BRCA1: variants seen among roughly 807,000 people sequenced by gnomAD.
BRCA1 encodes breast cancer type 1 susceptibility protein.
In BRCA1, 140 loss-of-function variants were observed where a neutral mutation model predicts 173.7. The observed-to-expected ratio is 0.81, with a 90% CI of 0.70 to 0.93. The LOEUF is 0.93. Among genes scored for constraint, BRCA1 ranks in the 40% least tolerant of loss-of-function variants. The pLI, the probability that BRCA1 is intolerant of heterozygous loss-of-function variation, is 0.00. For missense variants in BRCA1, 1,983 were observed against 2,172.5 expected (o/e 0.91, Z 1.73); for synonymous variants, 662 against 756.0 (o/e 0.88, Z 2.04).
rs540451983 is a variant in BRCA1 at position 43,100,097 on chromosome 17, G to C, written c.442-217C>G. ...ATAATCCCAGCACTTTGGGAGGCTGGAGCAGGACTGCTTGAGGCCAGGAGT... is the reference window on the plus strand; with the variant it reads ...ATAATCCCAGCACTTTGGGAGGCTGCAGCAGGACTGCTTGAGGCCAGGAGT... On this transcript the variant is annotated intron_variant, in intron 6 of 22. Coordinates refer to ENST00000357654, the MANE Select transcript of BRCA1 (RefSeq NM_007294.4). Among the ~76,000 whole-genome samples the C allele has an allele frequency of 4.6e-5, 7 of 152,292 alleles. 1 individual carries two copies. The South Asian group carries it at 1.4e-3, about 32-fold the overall frequency.
intron 1 of BRCA1, chr17:43,163,555 A>G (rs1176434558): frequency 6.6e-6 from 1 of 152,246 alleles, no homozygotes; most frequent in African/African-American, 2.4e-5. Flanking sequence ...ATGAGAGTCG[A>G]AAGACCCATA....
chr17:43,044,804 CTTT>C lies in BRCA1; in HGVS notation c.*871_*873del, dbSNP rs59541324. On this transcript the variant is annotated 3_prime_UTR_variant, in exon 23 of 23. Transcript: ENST00000357654. ...AGAAATCTCTTCTAGTTTCATTTTCCTTTTTTTTTTTTTTTTTTTGAGCCACAG... is the reference window on the plus strand; with the variant it reads ...AGAAATCTCTTCTAGTTTCATTTTCCTTTTTTTTTTTTTTTTGAGCCACAG... 0.042 allele frequency: 15,049 copies of C among 357,632 alleles called. No homozygotes were observed. Among genetic ancestry groups the C allele is most frequent in the South Asian group, 0.08 (3,756 of 46,948 alleles). The allele number at this position is 357,632 out of a possible 1,614,324, so 22.2% of individuals were successfully genotyped here. A position where few individuals can be genotyped will look rare whatever the true frequency, so the allele number is the denominator to read the frequency against.
At chr17:43,100,681 A>T (rs867412034) in intron 6 of BRCA1, among the ~76,000 whole-genome samples, 1 of 11,432 alleles carries the variant, frequency 8.7e-5, no homozygotes, top group Non-Finnish European at 1.5e-4. Flanking sequence ...TATATATAAT[A>T]TATATATATA....
At chr17:43,157,995 CA>C (rs557006036) in intron 1 of BRCA1, among the ~76,000 whole-genome samples, 3,256 of 65,908 alleles carry the variant, frequency 0.049, 57 homozygotes, top group African/African-American at 0.12. Flanking sequence ...AACTCTGTCT[CA>C]AAAAAAAAAA....
chr17:43,113,523 T>C (rs1176563287), intron 3 of BRCA1, among the ~76,000 whole-genome samples: 1 of 152,104 alleles, frequency 6.6e-6, no homozygotes, highest in Non-Finnish European at 1.5e-5. Context: ...CGTGCCACCA[T>C]GCCAGGCTAG....
chr17:43,052,355 G>A (rs2051277702), intron 19 of BRCA1, among the ~76,000 whole-genome samples: 2 of 151,970 alleles, frequency 1.3e-5, no homozygotes, highest in African/African-American at 4.8e-5. Context: ...ATCATAGCTT[G>A]CTGCAGTATT....
At chr17:43,054,286 T>C (rs1436866405) in intron 19 of BRCA1, among the ~76,000 whole-genome samples, 1 of 152,192 alleles carries the variant, frequency 6.6e-6, no homozygotes. Context: ...AACAATTACT[T>C]GATAGGCTCA....
At chr17:43,116,578 G>T (rs2055305893) in intron 2 of BRCA1, among the ~76,000 whole-genome samples, 2 of 152,190 alleles carry the variant, frequency 1.3e-5, no homozygotes, top group African/African-American at 4.8e-5. Context: ...GCATGCAATG[G>T]TGCGATCTCG....
chr17:43,159,229 C>T (rs535984518), intron 1 of BRCA1, among the ~76,000 whole-genome samples: 2 of 152,268 alleles, frequency 1.3e-5, no homozygotes, highest in East Asian at 1.9e-4. Flanking sequence ...TCCAGCCTCT[C>T]GACAGAGATC....
intron 6 of BRCA1, 83 bp from the exon 7 acceptor site, chr17:43,099,963 A>T (rs2154530466): frequency 9.2e-7 from 1 of 1,083,544 alleles, no homozygotes; most frequent in South Asian, 1.3e-5. Flanking sequence ...GACACCATGG[A>T]CAAAATAAAT....
At chr17:43,109,581 G>A (rs1323404295) in intron 3 of BRCA1, among the ~76,000 whole-genome samples, 2 of 152,104 alleles carry the variant, frequency 1.3e-5, no homozygotes, top group South Asian at 2.1e-4. Context: ...TTTGGAAGAT[G>A]AGGCTGTCAA....
intron 3 of BRCA1, among the ~76,000 whole-genome samples, chr17:43,108,130 G>A (rs1413318589): frequency 6.6e-6 from 1 of 152,146 alleles, no homozygotes; most frequent in Non-Finnish European, 1.5e-5. Context: ...TTGAGGCCAG[G>A]AGTTCAAGAC....
intron 2 of BRCA1, among the ~76,000 whole-genome samples, chr17:43,121,071 C>T (rs2055538196): frequency 7.0e-6 from 1 of 142,846 alleles, no homozygotes; most frequent in South Asian, 2.2e-4. Context: ...CTCCAACCCC[C>T]CACCCCGAAA....
chr17:43,067,855 T>TTTTA (rs1446353355), intron 15 of BRCA1, among the ~76,000 whole-genome samples, 160 bp from the exon 16 acceptor site: 2 of 125,702 alleles, frequency 1.6e-5, no homozygotes, highest in African/African-American at 3.1e-5. Context: ...TTTTTTTTTT[T>TTTTA]AGACAGAGTC....
At position 43,057,062 on chromosome 17, in the gene BRCA1, T is replaced by TG. The variant is rs80357906; in HGVS notation, c.5266dup (p.Gln1756ProfsTer74). The stretch of plus-strand genomic sequence containing the variant: ...GGGAGGGAGCTTTACCTTTCTGTCC[T>TG]GGGATTCTCTTGCTCGCTTTGGACC... On this transcript the variant is annotated frameshift_variant, in exon 19 of 23. Transcript: ENST00000357654. LOFTEE classifies it high-confidence loss of function. The TG allele has an allele frequency of 6.8e-5, 109 of 1,613,912 alleles. No individual in the cohort carries two copies. Among genetic ancestry groups the TG allele is most frequent in the Non-Finnish European group, 5.4e-5 (64 of 1,179,926 alleles).
At chr17:43,145,476 A>G (rs1431916612) in intron 1 of BRCA1, among the ~76,000 whole-genome samples, 2 of 151,716 alleles carry the variant, frequency 1.3e-5, no homozygotes, top group Non-Finnish European at 2.9e-5. Flanking sequence ...ACAGGCGCCC[A>G]CCATCACGCC....
At chr17:43,073,748 G>GTA (rs375723816) in intron 14 of BRCA1, among the ~76,000 whole-genome samples, 1,727 of 148,736 alleles carry the variant, frequency 0.012, 23 homozygotes, top group African/African-American at 0.037. Flanking sequence ...ATATATGTGT[G>GTA]TATATATATA....
chr17:43,136,649 G>A (rs1336656916), intron 1 of BRCA1, among the ~76,000 whole-genome samples: 1 of 152,168 alleles, frequency 6.6e-6, no homozygotes, highest in Non-Finnish European at 1.5e-5. Context: ...CTTCTCAAAA[G>A]AAGACATTTA....
intron 1 of BRCA1, chr17:43,166,916 C>T (rs2056272171): frequency 6.6e-6 from 1 of 152,186 alleles, no homozygotes; most frequent in African/African-American, 2.4e-5. Context: ...TAAAGGCACG[C>T]CATGGGTGAT....
Sources: allele counts gnomAD v4.1 joint callset (sites outside exome capture counted in the v4.1 genomes callset), GRCh38; gene constraint gnomAD v4.1.1; transcripts MANE v1.5; gene names NCBI Gene and HGNC (gene_info 2026-07-23, HGNC 2026-07-21).